SLC36A3: variants seen among roughly 807,000 people sequenced by gnomAD.
SLC36A3 encodes the protein solute carrier family 36 member 3.
SLC36A3 carries 35 observed loss-of-function variants against 44.3 expected under a neutral mutation model. The ratio of observed to expected loss-of-function variants is 0.79; its 90% confidence interval spans 0.60 to 1.05. The LOEUF is 1.05. SLC36A3 is among the 50% of genes least tolerant of loss of function. The probability of loss-of-function intolerance (pLI) is 0.00; values close to 1 mark genes in which losing one functional copy is unlikely to be tolerated. For missense variants in SLC36A3, 540 were observed against 578.7 expected (o/e 0.93, Z 0.69); for synonymous variants, 211 against 227.6 (o/e 0.93, Z 0.66).
chr5:151,288,567 A>AT, intron 4 of SLC36A3, 97 bp from the exon 5 acceptor site: 1 of 1,011,330 alleles, frequency 9.9e-7, no homozygotes, highest in Non-Finnish European at 1.4e-6. Flanking sequence ...TTTTGTTATT[A>AT]TTTTTAAAAA....
At chr5:151,291,886 A>G (rs1323539476) in intron 4 of SLC36A3, among the ~76,000 whole-genome samples, 1 of 152,040 alleles carries the variant, frequency 6.6e-6, no homozygotes, top group African/African-American at 2.4e-5. Context: ...TTTGAGATGG[A>G]GTCTCACTCT....
At position 151,276,477 on chromosome 5, in the gene SLC36A3, C is replaced by G. The variant is rs998296350; in HGVS notation, c.*916G>C. 2.6e-5 allele frequency among the ~76,000 whole-genome samples: 4 copies of G among 152,182 alleles called. No homozygotes were observed. Among genetic ancestry groups the G allele is most frequent in the Non-Finnish European group, 5.9e-5 (4 of 68,034 alleles). ...GGAATATTCCATTGTATGGCTACAT[C>G]ACAATTTATTTATCCATTCTCTTGT... On this transcript the variant is annotated 3_prime_UTR_variant, in exon 10 of 10. Transcript: ENST00000335230.
intron 9 of SLC36A3, among the ~76,000 whole-genome samples, chr5:151,280,311 G>A (rs1015495842): frequency 4.6e-5 from 7 of 151,972 alleles, no homozygotes; most frequent in African/African-American, 1.2e-4. Context: ...AAAATTAGCC[G>A]GGCATGGTGG....
chr5:151,288,613 G>T (rs1229538713), intron 4 of SLC36A3, 143 bp from the exon 5 acceptor site: 3 of 651,246 alleles, frequency 4.6e-6, no homozygotes, highest in Non-Finnish European at 7.2e-6. Flanking sequence ...AAATTTTTAA[G>T]CCAAAAAGTT....
chr5:151,284,773 T>C (rs1754471335), intron 6 of SLC36A3, 62 bp from the exon 7 acceptor site: 2 of 1,345,102 alleles, frequency 1.5e-6, no homozygotes, highest in Admixed American at 1.9e-5. Context: ...CCCAAATCTT[T>C]GCCTGGTAGA....
At chr5:151,299,264 C>CTATA (rs66776978) in intron 1 of SLC36A3, among the ~76,000 whole-genome samples, 229 of 59,618 alleles carry the variant, frequency 3.8e-3, no homozygotes, top group Non-Finnish European at 5.1e-3. Flanking sequence ...CTCTCTCTCT[C>CTATA]TATATATATA....
chr5:151,291,987 A>G (rs541453258), intron 4 of SLC36A3, among the ~76,000 whole-genome samples: 17 of 152,184 alleles, frequency 1.1e-4, no homozygotes, highest in African/African-American at 2.9e-4. Flanking sequence ...CAGTCTCCTG[A>G]GTAGCTGGGA....
chr5:151,292,598 C>T (rs1054787134), intron 4 of SLC36A3, among the ~76,000 whole-genome samples: 1 of 152,202 alleles, frequency 6.6e-6, no homozygotes, highest in African/African-American at 2.4e-5. Context: ...AACTTTTTAT[C>T]AAGGCAGGGA....
At chr5:151,284,517 C>A (rs771311811) in intron 7 of SLC36A3, 96 bp downstream of exon 7, 11 of 998,994 alleles carry the variant, frequency 1.1e-5, no homozygotes, top group Non-Finnish European at 1.6e-5. Context: ...AGAGTCTGCA[C>A]CTTTTCATAA....
chr5:151,283,802 G>A (rs1754420692), intron 8 of SLC36A3, among the ~76,000 whole-genome samples: 1 of 152,244 alleles, frequency 6.6e-6, no homozygotes, highest in South Asian at 2.1e-4. Context: ...TAGCACAGCA[G>A]TTATTTGTGC....
At position 151,277,108 on chromosome 5, in the gene SLC36A3, G is replaced by T; in HGVS notation, c.*285C>A. The T allele has an allele frequency of 2.3e-6, 1 of 433,540 alleles. No individual in the cohort carries two copies. The allele number at this position is 433,540 out of a possible 1,614,324, so 26.9% of individuals were successfully genotyped here. ...CTTGGTCTCTGTTTCAAGGGCTATT[G>T]GGGTAAGTGGCATCCCTTTTCCATA... On this transcript the variant is annotated 3_prime_UTR_variant, in exon 10 of 10. Transcript: ENST00000335230.
At chr5:151,286,338 G>T (rs570829280) in intron 6 of SLC36A3, among the ~76,000 whole-genome samples, 2 of 152,262 alleles carry the variant, frequency 1.3e-5, no homozygotes, top group South Asian at 4.1e-4. Context: ...TGTCACCCAG[G>T]CTGGAATGCA....
In SLC36A3 at chr5:151,287,235, A is replaced by G. The variant is rs1416182599; in HGVS notation, c.708+11T>C. On this transcript the variant is annotated intron_variant, in intron 6 of 9. Transcript: ENST00000335230. ...CCAGGACCCTGATCCTTTCTTCCCT[A>G]TGGCACAGACCTCCATGATATACTC... 4 of 1,613,660 alleles carry G rather than the reference A, an allele frequency of 2.5e-6. No individual in the cohort carries two copies. The South Asian group carries it at 3.3e-5, about 13-fold the overall frequency.
At chr5:151,298,761 G>A in intron 1 of SLC36A3, 78 bp from the exon 2 acceptor site, 3 of 1,471,772 alleles carry the variant, frequency 2.0e-6, no homozygotes. Flanking sequence ...CCTCCTTCTG[G>A]CATCTCCAGA....
intron 4 of SLC36A3, 124 bp downstream of exon 4, chr5:151,293,240 G>C (rs1024135961): frequency 1.2e-6 from 1 of 803,668 alleles, no homozygotes; most frequent in African/African-American, 1.7e-5. Context: ...TTATCGAGGT[G>C]ATTCTCTCTA....
chr5:151,294,224 G>A (rs766995631), intron 3 of SLC36A3, among the ~76,000 whole-genome samples: 10 of 152,196 alleles, frequency 6.6e-5, no homozygotes, highest in Non-Finnish European at 1.5e-4. Context: ...TGGATTTTGG[G>A]GGAAGAGACA....
chr5:151,280,907 C>A, intron 9 of SLC36A3, 107 bp downstream of exon 9: 2 of 1,386,858 alleles, frequency 1.4e-6, no homozygotes, highest in Non-Finnish European at 2.0e-6. Context: ...AATATCCCAC[C>A]CTAGGTCACA....
Position 151,277,587 on chromosome 5 carries a change from C to T in SLC36A3, c.1219G>A (p.Ala407Thr), listed in dbSNP as rs373055884. The T allele has an allele frequency of 6.2e-7, 1 of 1,614,168 alleles. No homozygotes were observed. The highest frequency in any genetic ancestry group is 8.5e-7 in the Non-Finnish European group (1 of 1,180,028). The change falls in exon 10 of 10, where the codon GCT (alanine) becomes ACT (threonine). Residue 407 changes from alanine (A) to threonine (T), a missense_variant. Transcript: ENST00000335230. Reference protein sequence around the residue: ...LVGSVSSSALALIIPALLEIV... With the variant: ...LVGSVSSSALTLIIPALLEIV... ...TCCAGGAGGGCTGGGATGATGAGAG[C>T]CAGGGCGCTGCTGCTCACGGAGCCT...
rs746702662 is a variant in SLC36A3, at chr5:151,277,495, G to C, written c.1311C>G (p.Ile437Met). The C allele has an allele frequency of 1.2e-6, 2 of 1,614,144 alleles. No homozygotes were observed. Residue 437 changes from isoleucine to methionine, a missense_variant, in exon 10 of 10, where the codon ATC becomes ATG. By Grantham distance (10) the Ile-to-Met change is conservative. Coordinates refer to ENST00000335230, the MANE Select transcript of SLC36A3 (RefSeq NM_181774.4). The stretch of plus-strand genomic sequence containing the variant: ...CAAATATACACCCTAAAAGGCCCAC[G>C]ATGCTAATCATGATGTCCTTGGCAA... The part of the protein sequence containing the change: ...VTIAKDIMIS[I>M]VGLLGCIFGT...
Sources: allele counts gnomAD v4.1 joint callset (sites outside exome capture counted in the v4.1 genomes callset), GRCh38; gene constraint gnomAD v4.1.1; transcripts MANE v1.5; gene names NCBI Gene and HGNC (gene_info 2026-07-23, HGNC 2026-07-21).